MEGF11: variants seen among roughly 807,000 people sequenced by gnomAD.
MEGF11 encodes the protein multiple epidermal growth factor-like domains protein 11.
MEGF11 carries 126 observed loss-of-function variants against 146.6 expected under a neutral mutation model. The observed-to-expected ratio is 0.86, with a 90% confidence interval of 0.74 to 1.00. MEGF11 has a LOEUF of 1.00. Among genes scored for constraint, MEGF11 ranks in the 50% least tolerant of loss-of-function variants. The pLI is 0.00. For synonymous variants in MEGF11, 532 were observed against 583.4 expected (o/e 0.91, Z 1.27); for missense variants, 1,509 against 1,521.2 (o/e 0.99, Z 0.13).
chr15:65,947,765 C>A (rs893180494), intron 10 of MEGF11, among the ~76,000 whole-genome samples: 17 of 152,132 alleles, frequency 1.1e-4, no homozygotes, highest in African/African-American at 3.6e-4. Flanking sequence ...AAAAAGAAAA[C>A]CGGGTATACT....
Position 65,915,508 on chromosome 15 carries a change from T to A in MEGF11, c.2435A>T (p.Tyr812Phe), listed in dbSNP as rs1596830850. 6.2e-7 allele frequency: 1 copy of A among 1,613,954 alleles called. No homozygotes were observed. The highest frequency in any genetic ancestry group is 8.5e-7 in the Non-Finnish European group (1 of 1,179,866). ...STCDHVTGTCYCSPGFKGIRC... is the reference protein window; with the variant it reads ...STCDHVTGTCFCSPGFKGIRC... ...GATTCCTTTGAAGCCAGGGCTGCAGTAACAGGTGCCGGTGACATGGTCACA... is the reference window on the plus strand; with the variant it reads ...GATTCCTTTGAAGCCAGGGCTGCAGAAACAGGTGCCGGTGACATGGTCACA... Residue 812 changes from tyrosine to phenylalanine, a missense_variant, in exon 19 of 26, where the codon TAC becomes TTC. Tyr to Phe is a conservative substitution (Grantham distance 22, BLOSUM62 3). Transcript: ENST00000395614.
chr15:66,208,318 A>G (rs2140116960), intron 1 of MEGF11, among the ~76,000 whole-genome samples: 1 of 152,302 alleles, frequency 6.6e-6, no homozygotes, highest in South Asian at 2.1e-4. Context: ...ATAATGAAAT[A>G]CCTAGAGCAA....
intron 1 of MEGF11, among the ~76,000 whole-genome samples, chr15:66,200,243 G>A (rs1322824630): frequency 6.6e-6 from 1 of 152,174 alleles, no homozygotes; most frequent in East Asian, 1.9e-4. Context: ...GCTGATTTTG[G>A]TTTTCTACTT....
In MEGF11 at chr15:65,981,403, G is replaced by A. The variant is rs149518520; in HGVS notation, c.642-505C>T. ...GCTCCCATGACAGGCTCATTTGCAG[G>A]GACTGGGTGCTGTTGAAGGGTGGGG... On this transcript the variant is annotated intron_variant, in intron 6 of 25. Transcript: ENST00000395614. Among the ~76,000 whole-genome samples the A allele has an allele frequency of 6.2e-3, 949 of 152,312 alleles. 4 individuals are homozygous for A. Among genetic ancestry groups the A allele is most frequent in the Non-Finnish European group, 0.011 (715 of 68,018 alleles).
At chr15:65,917,389 G>A (rs538664483) in intron 16 of MEGF11, among the ~76,000 whole-genome samples, 1 of 152,266 alleles carries the variant, frequency 6.6e-6, no homozygotes, top group South Asian at 2.1e-4. Flanking sequence ...TCATCAGAAT[G>A]GAAATTCCCT....
chr15:65,951,519 T>A (rs28576305), intron 10 of MEGF11, among the ~76,000 whole-genome samples: 11,770 of 152,152 alleles, frequency 0.077, 535 homozygotes, highest in Non-Finnish European at 0.093. Flanking sequence ...AAACCCCGTC[T>A]CTACTAAAAA....
intron 20 of MEGF11, 32 bp downstream of exon 20, chr15:65,913,705 A>G: frequency 1.3e-6 from 2 of 1,559,772 alleles, no homozygotes; most frequent in South Asian, 1.2e-5. Context: ...TGTGGAGGGG[A>G]AGAGGAGGGA....
chr15:66,228,465 C>A (rs1458037664), intron 1 of MEGF11, among the ~76,000 whole-genome samples: 1 of 152,078 alleles, frequency 6.6e-6, no homozygotes, highest in Non-Finnish European at 1.5e-5. Context: ...GAGGGGGTGC[C>A]CATGCACTCA....
At chr15:66,051,622 G>A (rs963717705) in intron 5 of MEGF11, among the ~76,000 whole-genome samples, 1 of 152,196 alleles carries the variant, frequency 6.6e-6, no homozygotes, top group Non-Finnish European at 1.5e-5. Context: ...CCCCAGAGTT[G>A]TTAAATGAAG....
rs1355612881 is a variant in MEGF11 at position 66,187,431 on chromosome 15, C to T, written c.-8-59020G>A. Among the ~76,000 whole-genome samples, 3 of 152,332 alleles carry T rather than the reference C, an allele frequency of 2.0e-5. No homozygotes were observed. In the East Asian group the frequency reaches 5.8e-4, roughly 29 times the overall value. On this transcript the variant is annotated intron_variant, in intron 1 of 25. Transcript: ENST00000395614. ...CTCTCTGTGGCTCAGTGGCTGAGCC[C>T]AGGCCTGCCTCTGAGGGTGGAAGTC...
At chr15:66,225,319 C>T (rs2091829371) in intron 1 of MEGF11, among the ~76,000 whole-genome samples, 1 of 152,264 alleles carries the variant, frequency 6.6e-6, no homozygotes, top group Non-Finnish European at 1.5e-5. Flanking sequence ...TTGCCCACCA[C>T]CCACACTCCA....
intron 10 of MEGF11, among the ~76,000 whole-genome samples, chr15:65,957,303 C>CA (rs2080684693): frequency 6.6e-6 from 1 of 152,174 alleles, no homozygotes; most frequent in South Asian, 2.1e-4. Context: ...AGGAGCTGGG[C>CA]ACAAAGGAAG....
intron 1 of MEGF11, among the ~76,000 whole-genome samples, chr15:66,161,516 G>A (rs866042346): frequency 3.3e-5 from 5 of 152,140 alleles, no homozygotes; most frequent in Admixed American, 1.3e-4. Flanking sequence ...CCCTTAAGTG[G>A]CTGGGACTAC....
At chr15:66,249,266 A>G (rs1337659469) in intron 1 of MEGF11, among the ~76,000 whole-genome samples, 1 of 152,060 alleles carries the variant, frequency 6.6e-6, no homozygotes, top group Non-Finnish European at 1.5e-5. Flanking sequence ...CACACTGCAT[A>G]GTTACTGTCA....
rs551366475 is a variant in MEGF11 at position 66,010,098 on chromosome 15, A to G, written c.395-27610T>C. On this transcript the variant is annotated intron_variant, in intron 5 of 25. Coordinates refer to ENST00000395614, the MANE Select transcript of MEGF11 (RefSeq NM_001385028.1). ...TGGGTGTCCAGTGTTTTGGCTTCCCAGGGCCACATTGGAAGAATTGTCTTG... is the reference window on the plus strand; with the variant it reads ...TGGGTGTCCAGTGTTTTGGCTTCCCGGGGCCACATTGGAAGAATTGTCTTG... Among the ~76,000 whole-genome samples, 219 of 151,688 alleles carry G rather than the reference A, an allele frequency of 1.4e-3. 1 individual carries two copies. The highest frequency in any genetic ancestry group is 5.1e-3 in the African/African-American group (210 of 41,356).
intron 5 of MEGF11, among the ~76,000 whole-genome samples, chr15:66,057,878 A>G (rs555469505): frequency 3.3e-5 from 5 of 152,294 alleles, no homozygotes; most frequent in Non-Finnish European, 7.4e-5. Context: ...TCTTCTCAAT[A>G]CTTTATTGTA....
chr15:66,063,665 A>C (rs1038845428), intron 5 of MEGF11, among the ~76,000 whole-genome samples: 1 of 152,204 alleles, frequency 6.6e-6, no homozygotes, highest in South Asian at 2.1e-4. Context: ...ACAGACCCCA[A>C]ACTATTTTCA....
intron 10 of MEGF11, among the ~76,000 whole-genome samples, chr15:65,936,245 C>T (rs1454201663): frequency 1.3e-5 from 2 of 152,138 alleles, no homozygotes; most frequent in Non-Finnish European, 2.9e-5. Context: ...GAATTGGGTG[C>T]ATACATAGCA....
At chr15:65,905,829 G>T in intron 24 of MEGF11, 2 of 393,112 alleles carry the variant, frequency 5.1e-6, no homozygotes. Context: ...AAGACATTTA[G>T]TTGGCATCTA....
Sources: gnomAD v4.1 joint callset for allele counts (sites outside exome capture counted in the v4.1 genomes callset) on GRCh38, gnomAD v4.1.1 for gene constraint, MANE v1.5 for transcripts, NCBI Gene and HGNC (gene_info 2026-07-23, HGNC 2026-07-21) for gene names.